The following CFAP95 variants were observed in gnomAD, a reference collection of about 807,000 sequenced individuals.
CFAP95 encodes the protein cilia- and flagella-associated protein 95.
the CFAP95 span, among the ~76,000 whole-genome samples, chr9:69,878,612 G>A: frequency 6.6e-6 from 1 of 152,228 alleles, no homozygotes; most frequent in African/African-American, 2.4e-5. Context: ...TTTGGAGGAT[G>A]TATGTAGAGA....
chr9:69,822,221 T>C, the CFAP95 span, among the ~76,000 whole-genome samples: 1 of 152,242 alleles, frequency 6.6e-6, no homozygotes, highest in Non-Finnish European at 1.5e-5. Context: ...AAATCTTGTC[T>C]ACTTTATGTT....
the CFAP95 span, among the ~76,000 whole-genome samples, chr9:69,873,419 TTTG>T: frequency 2.9e-5 from 4 of 140,280 alleles, no homozygotes; most frequent in African/African-American, 1.3e-4. Context: ...AGTTTTTTTG[TTTG>T]TTTGTTTGTT....
chr9:69,844,247 GT>G, the CFAP95 span, among the ~76,000 whole-genome samples: 1 of 152,142 alleles, frequency 6.6e-6, no homozygotes, highest in Admixed American at 6.6e-5. Context: ...ATAGGATTCA[GT>G]TCATTGGAAT....
the CFAP95 span, among the ~76,000 whole-genome samples, chr9:69,832,273 C>CA: frequency 0.93 from 141,993 of 152,262 alleles, 66,690 homozygotes; most frequent in East Asian, 1. Flanking sequence ...GTTGTTATGT[C>CA]ATTATTAGAA....
chr9:69,841,605 A>G, the CFAP95 span, among the ~76,000 whole-genome samples: 2 of 152,166 alleles, frequency 1.3e-5, no homozygotes, highest in Non-Finnish European at 1.5e-5. Flanking sequence ...CTGGAGCCAG[A>G]TGGGACCTGT....
chr9:69,856,040 TG>T, the CFAP95 span, among the ~76,000 whole-genome samples: 5 of 152,214 alleles, frequency 3.3e-5, no homozygotes, highest in Non-Finnish European at 7.4e-5. Context: ...CTTTGATCCC[TG>T]AGATGTTACC....
the CFAP95 span, among the ~76,000 whole-genome samples, chr9:69,895,369 C>CTCTCTCTGTGTGTGTGTGTGTGTGTG: frequency 9.3e-6 from 1 of 107,920 alleles, no homozygotes; most frequent in African/African-American, 3.7e-5. Flanking sequence ...CTCTCTCTCT[C>CTCTCTCTGTGTGTGTGTGTGTGTGTG]TGTGTGTGTG....
chr9:69,843,788 A>T, the CFAP95 span, among the ~76,000 whole-genome samples: 1 of 150,744 alleles, frequency 6.6e-6, no homozygotes. Context: ...CTACAGGCAC[A>T]TGCCACCAAG....
chr9:69,842,452 A>G, the CFAP95 span, among the ~76,000 whole-genome samples: 471 of 152,330 alleles, frequency 3.1e-3, 1 homozygote, highest in African/African-American at 0.011. Context: ...TGGAAGAAAA[A>G]TTAAGTTCAA....
the CFAP95 span, among the ~76,000 whole-genome samples, chr9:69,900,394 AGGAGGAGGGT>A: frequency 6.6e-6 from 1 of 152,170 alleles, no homozygotes; most frequent in African/African-American, 2.4e-5. Context: ...GCCAGAAGGG[AGGAGGAGGGT>A]TTTACGTGTG....
At chr9:69,831,867 A>G in the CFAP95 span, among the ~76,000 whole-genome samples, 60 of 152,276 alleles carry the variant, frequency 3.9e-4, no homozygotes, top group East Asian at 0.011. Context: ...GTGTGGTTGT[A>G]AGAATTGTGA....
chr9:69,862,802 C>A, the CFAP95 span, among the ~76,000 whole-genome samples: 1 of 152,308 alleles, frequency 6.6e-6, no homozygotes, highest in Non-Finnish European at 1.5e-5. Flanking sequence ...TCTCATAACT[C>A]AACCTGTATC....
the CFAP95 span, among the ~76,000 whole-genome samples, chr9:69,836,688 T>G: frequency 3.8e-5 from 4 of 106,246 alleles, no homozygotes. Context: ...GGCTTCAATT[T>G]CTTTTTTTTT....
the CFAP95 span, among the ~76,000 whole-genome samples, chr9:69,867,771 T>C: frequency 6.6e-6 from 1 of 152,164 alleles, no homozygotes; most frequent in Non-Finnish European, 1.5e-5. Context: ...TGGAGGAGAA[T>C]CAAGGCTTGT....
At chr9:69,890,232 G>A in the CFAP95 span, among the ~76,000 whole-genome samples, 1 of 151,970 alleles carries the variant, frequency 6.6e-6, no homozygotes, top group Non-Finnish European at 1.5e-5. Flanking sequence ...TATTTTTAGG[G>A]CACATAAATC....
chr9:69,860,651 TA>T, the CFAP95 span, among the ~76,000 whole-genome samples: 1 of 151,718 alleles, frequency 6.6e-6, no homozygotes, highest in African/African-American at 2.4e-5. Flanking sequence ...ACACTTAGCT[TA>T]AAACGCAAAC....
At chr9:69,885,248 T>G in the CFAP95 span, 3 of 152,212 alleles carry the variant, frequency 2.0e-5, no homozygotes, top group East Asian at 3.8e-4. Flanking sequence ...GGTTTTTCAG[T>G]ATGCAATACT....
the CFAP95 span, among the ~76,000 whole-genome samples, chr9:69,883,327 G>T: frequency 6.6e-6 from 1 of 152,122 alleles, no homozygotes; most frequent in African/African-American, 2.4e-5. Flanking sequence ...TTGGGGAGAA[G>T]TTTATGTGGG....
chr9:69,833,524 C>G, the CFAP95 span, among the ~76,000 whole-genome samples: 3 of 152,094 alleles, frequency 2.0e-5, no homozygotes, highest in Admixed American at 1.3e-4. Flanking sequence ...ACTATTTAGT[C>G]TAACATTTTC....
Sources: gnomAD v4.1 joint callset for allele counts (sites outside exome capture counted in the v4.1 genomes callset) on GRCh38, gnomAD v4.1.1 for gene constraint, MANE v1.5 for transcripts, NCBI Gene and HGNC (gene_info 2026-07-23, HGNC 2026-07-21) for gene names.